Variants in HMCN2 observed in about 807,000 individuals in gnomAD.
The protein encoded by HMCN2 is hemicentin-2.
A neutral mutation model predicts 377.5 loss-of-function variants in HMCN2; 325 were observed. The ratio of observed to expected loss-of-function variants is 0.86; its 90% CI spans 0.79 to 0.94. The LOEUF is 0.94. HMCN2 is among the 40% of genes least tolerant of loss of function. HMCN2 has a pLI of 0.00. For synonymous variants in HMCN2, 2,007 were observed against 2,046.8 expected (o/e 0.98, Z 0.53); for missense variants, 4,543 against 4,725.3 (o/e 0.96, Z 1.13).
rs766898955 is a variant in HMCN2 at position 130,407,575 on chromosome 9, G to T, written c.12558G>T (p.Gly4186=). The T allele has an allele frequency of 7.8e-7, 1 of 1,289,402 alleles. No homozygotes were observed. Among genetic ancestry groups the T allele is most frequent in the African/African-American group, 1.5e-5 (1 of 65,844 alleles). The allele number at this position is 1,289,402 out of a possible 1,614,324, so 79.9% of individuals were successfully genotyped here. A position where few individuals can be genotyped will look rare whatever the true frequency, so the allele number is the denominator to read the frequency against. ...ACTTCTCTTTCTCCACCACAGAAGG[G>T]GTGTCTGAGCAGGATGGAGGCAGCA... ...WTVNDRPVTE[G]VSEQDGGSTL... Residue 4186 remains glycine, a synonymous_variant, in exon 83 of 98, where the codon GGG becomes GGT. Coordinates refer to ENST00000683500, the MANE Select transcript of HMCN2 (RefSeq NM_001291815.2).
chr9:130,356,068 C>A lies in HMCN2; in HGVS notation c.5256-20C>A, dbSNP rs1361629347. 5 of 1,249,714 alleles carry A rather than the reference C, an allele frequency of 4.0e-6. No individual in the cohort carries two copies. The highest frequency in any genetic ancestry group is 5.2e-6 in the Non-Finnish European group (5 of 964,668). The allele number at this position is 1,249,714 out of a possible 1,614,324, so 77.4% of individuals were successfully genotyped here. Reference sequence around the variant, plus strand: ...TTCCCTGGTCTCAGGTTGACACGCCCCCCTCCCTACTCACCTTAGGTGGCT... The same window carrying A: ...TTCCCTGGTCTCAGGTTGACACGCCACCCTCCCTACTCACCTTAGGTGGCT... On this transcript the variant is annotated intron_variant, in intron 33 of 97. Coordinates refer to ENST00000683500, the MANE Select transcript of HMCN2 (RefSeq NM_001291815.2).
intron 27 of HMCN2, 132 bp from the exon 28 acceptor site, chr9:130,348,850 AGG>A: frequency 8.3e-7 from 1 of 1,207,288 alleles, no homozygotes; most frequent in African/African-American, 1.6e-5. Context: ...GAAGCCTGGC[AGG>A]GGCTGCGTGG....
rs1257597091 is a variant in HMCN2 at position 130,406,144 on chromosome 9, A to G, written c.12529A>G (p.Thr4177Ala). The change falls in exon 82 of 98, where the codon ACT becomes GCT. Residue 4177 changes from threonine to alanine, a missense_variant. This residue lies in a region of HMCN2 where 1,073 missense variants were observed against 1,319.5 expected (regional missense o/e 0.81). Coordinates refer to ENST00000683500, the MANE Select transcript of HMCN2 (RefSeq NM_001291815.2). ...RGSPTPRIGW[T>A]VNDRPVTEGV... The stretch of plus-strand genomic sequence containing the variant: ...CAGCCCCACCCCTCGCATTGGCTGG[A>G]CTGTCAACGACCGGCCAGTCACAGG... 1 of 1,289,786 alleles carries G rather than the reference A, an allele frequency of 7.8e-7. No individual in the cohort carries two copies. Among genetic ancestry groups the G allele is most frequent in the Non-Finnish European group, 1.0e-6 (1 of 988,844 alleles). The allele number at this position is 1,289,786 out of a possible 1,614,324, so 79.9% of individuals were successfully genotyped here. A position where few individuals can be genotyped will look rare whatever the true frequency, so the allele number is the denominator to read the frequency against.
chr9:130,410,999 G>T (rs1843378174), intron 85 of HMCN2, among the ~76,000 whole-genome samples: 1 of 152,264 alleles, frequency 6.6e-6, no homozygotes, highest in East Asian at 1.9e-4. Context: ...TCTCAATAGG[G>T]ATTCTGTAGA....
At chr9:130,396,667 G>A (rs1324425590) in intron 73 of HMCN2, among the ~76,000 whole-genome samples, 2 of 152,042 alleles carry the variant, frequency 1.3e-5, no homozygotes, top group Non-Finnish European at 2.9e-5. Flanking sequence ...GTGGCCCCCA[G>A]CCCCAGGTTT....
At chr9:130,377,898 C>T (rs528035754) in intron 53 of HMCN2, 99 bp downstream of exon 53, 181 of 893,838 alleles carry the variant, frequency 2.0e-4, no homozygotes, top group Non-Finnish European at 2.3e-4. Context: ...CTGCAGCTCA[C>T]GCGCCACCCG....
At chr9:130,312,696 C>T (rs950132873) in intron 15 of HMCN2, among the ~76,000 whole-genome samples, 2 of 148,560 alleles carry the variant, frequency 1.3e-5, no homozygotes, top group African/African-American at 2.5e-5. Context: ...TATGGAGTCT[C>T]GCTCTGTTGC....
intron 4 of HMCN2, among the ~76,000 whole-genome samples, chr9:130,292,116 A>G (rs187010117): frequency 1.3e-5 from 2 of 151,304 alleles, no homozygotes; most frequent in Admixed American, 6.6e-5. Context: ...AATATTTCCT[A>G]GTTGGTGCTG....
At chr9:130,411,271 G>A (rs374402282) in intron 85 of HMCN2, among the ~76,000 whole-genome samples, 11 of 151,340 alleles carry the variant, frequency 7.3e-5, no homozygotes, top group African/African-American at 2.2e-4. Flanking sequence ...AAATTCACCC[G>A]TTCATGCAAT....
In HMCN2 at chr9:130,397,584, C is replaced by A. The variant is rs1842666763; in HGVS notation, c.11255C>A (p.Ala3752Asp). The change falls in exon 74 of 98, where the codon GCC (alanine) becomes GAC (aspartate). Residue 3752 changes from alanine (A) to aspartate (D), a missense_variant. This residue lies in a region of HMCN2 where 1,073 missense variants were observed against 1,319.5 expected (regional missense o/e 0.81). Coordinates refer to ENST00000683500, the MANE Select transcript of HMCN2 (RefSeq NM_001291815.2). ...ATCCAGCCAGTCCTTGCCCAGGACGCCGGCCACTACCTCTGCCTGGCATCC... is the reference window on the plus strand; with the variant it reads ...ATCCAGCCAGTCCTTGCCCAGGACGACGGCCACTACCTCTGCCTGGCATCC... ...LRIQPVLAQDAGHYLCLASNS... is the reference protein window; with the variant it reads ...LRIQPVLAQDDGHYLCLASNS... 7.8e-7 allele frequency: 1 copy of A among 1,289,826 alleles called. No individual in the cohort carries two copies. 79.9% of individuals were successfully genotyped at this position (1,289,826 alleles called of 1,614,324 possible). A position where few individuals can be genotyped will look rare whatever the true frequency, so the allele number is the denominator to read the frequency against.
chr9:130,383,737 C>A, intron 57 of HMCN2, 137 bp downstream of exon 57: 1 of 290,358 alleles, frequency 3.4e-6, no homozygotes, highest in Non-Finnish European at 5.1e-6. Context: ...AGCCACATCC[C>A]GAGACAGAGA....
rs1840014871 is a variant in HMCN2, at chr9:130,356,148, G to A, written c.5316G>A (p.Gly1772=). The A allele has an allele frequency of 2.3e-6, 3 of 1,302,538 alleles. No homozygotes were observed. The highest frequency in any genetic ancestry group is 1.5e-5 in the African/African-American group (1 of 65,958). 80.7% of individuals were successfully genotyped at this position (1,302,538 alleles called of 1,614,324 possible). Residue 1772 remains glycine (G), a synonymous_variant, in exon 34 of 98, where the codon GGG becomes GGA. Coordinates refer to ENST00000683500, the MANE Select transcript of HMCN2 (RefSeq NM_001291815.2). ...CTGGGGTGCAGGTGGCCTCGCAGGG[G>A]ACCACACTGCACATTGACCATGTGG... The part of the protein sequence containing the change: ...ELAGVQVASQ[G]TTLHIDHVEL...
At chr9:130,415,170 G>C (rs1843619895) in intron 85 of HMCN2, among the ~76,000 whole-genome samples, 1 of 152,124 alleles carries the variant, frequency 6.6e-6, no homozygotes, top group African/African-American at 2.4e-5. Flanking sequence ...TCCTTCCCCT[G>C]GCAGTGTTCC....
At chr9:130,426,985 C>G (rs1844417514) in intron 90 of HMCN2, among the ~76,000 whole-genome samples, 1 of 152,290 alleles carries the variant, frequency 6.6e-6, no homozygotes, top group Non-Finnish European at 1.5e-5. Flanking sequence ...TCCGCACGGT[C>G]TCTGTGCATT....
At chr9:130,410,002 G>A (rs914740249) in intron 84 of HMCN2, among the ~76,000 whole-genome samples, 7 of 152,216 alleles carry the variant, frequency 4.6e-5, no homozygotes, top group African/African-American at 7.2e-5. Context: ...TGGGTCACCT[G>A]TTAGGGAAAC....
chr9:130,397,540 G>T lies in HMCN2; in HGVS notation c.11211G>T (p.Leu3737=). ...LDPRSPRFEI[L]PEGSLRIQPV... Reference sequence around the variant, plus strand: ...CCATCCATTCTAGGTTTGAAATTCTGCCTGAGGGTTCCCTGAGAATCCAGC... The same window carrying T: ...CCATCCATTCTAGGTTTGAAATTCTTCCTGAGGGTTCCCTGAGAATCCAGC... Residue 3737 remains leucine (L), a synonymous_variant, in exon 74 of 98, where the codon CTG becomes CTT. Coordinates refer to ENST00000683500, the MANE Select transcript of HMCN2 (RefSeq NM_001291815.2). 7.8e-7 allele frequency: 1 copy of T among 1,289,836 alleles called. No individual in the cohort carries two copies. Among genetic ancestry groups the T allele is most frequent in the South Asian group, 1.2e-5 (1 of 81,028 alleles). 79.9% of individuals were successfully genotyped at this position (1,289,836 alleles called of 1,614,324 possible). A position where few individuals can be genotyped will look rare whatever the true frequency, so the allele number is the denominator to read the frequency against.
At chr9:130,343,476 T>C (rs1839173588) in intron 25 of HMCN2, among the ~76,000 whole-genome samples, 1 of 152,178 alleles carries the variant, frequency 6.6e-6, no homozygotes, top group African/African-American at 2.4e-5. Flanking sequence ...GTGGGAGCTC[T>C]GGGAGCCCCT....
intron 4 of HMCN2, 83 bp from the exon 5 acceptor site, chr9:130,294,772 A>T: frequency 2.9e-6 from 1 of 345,262 alleles, no homozygotes; most frequent in South Asian, 2.2e-5. Flanking sequence ...CGACCTGGAA[A>T]GTTTGTATGC....
chr9:130,276,987 C>T (rs570421396), intron 1 of HMCN2, among the ~76,000 whole-genome samples: 7 of 152,330 alleles, frequency 4.6e-5, no homozygotes, highest in Admixed American at 2.6e-4. Flanking sequence ...GAAGAGGCCT[C>T]GGCCTGAGAT....
Sources: gnomAD v4.1 joint callset for allele counts (sites outside exome capture counted in the v4.1 genomes callset) on GRCh38, gnomAD v4.1.1 for gene constraint, gnomAD v4.1.1 regional missense constraint, MANE v1.5 for transcripts, NCBI Gene and HGNC (gene_info 2026-07-23, HGNC 2026-07-21) for gene names.